INTS8: variants seen among roughly 807,000 people sequenced by gnomAD.
INTS8 encodes the protein protein kaonashi-1.
Under a neutral mutation model 138.9 loss-of-function variants are expected in INTS8, and 47 were observed. The ratio of observed to expected loss-of-function variants is 0.34; its 90% CI spans 0.27 to 0.43. The LOEUF is 0.43. INTS8 is among the 20% of genes least tolerant of loss of function. The probability of loss-of-function intolerance (pLI) is 1.00; values close to 1 mark genes in which losing one functional copy is unlikely to be tolerated. For synonymous variants in INTS8, 392 were observed against 400.9 expected (o/e 0.98, Z 0.27); for missense variants, 996 against 1,173.0 (o/e 0.85, Z 2.20).
chr8:94,872,614 G>A (rs975351927), intron 21 of INTS8, among the ~76,000 whole-genome samples: 4 of 152,160 alleles, frequency 2.6e-5, no homozygotes, highest in Non-Finnish European at 4.4e-5. Flanking sequence ...TAAAATCTCT[G>A]CAGGTACAGT....
Position 94,827,597 on chromosome 8 carries a change from T to C in INTS8, c.447-125T>C, listed in dbSNP as rs188064876. On this transcript the variant is annotated intron_variant, in intron 3 of 26. Transcript: ENST00000523731. ...ATCTGATAAAAATGTGGATGACTTA[T>C]GCAGGATTTACCATGTGTCAATTAA... 3.1e-4 allele frequency: 323 copies of C among 1,039,156 alleles called. 1 individual carries two copies. The East Asian group carries it at 7.1e-3, about 23-fold the overall frequency. The allele number at this position is 1,039,156 out of a possible 1,614,324, so 64.4% of individuals were successfully genotyped here. A position where few individuals can be genotyped will look rare whatever the true frequency, so the allele number is the denominator to read the frequency against.
At position 94,841,552 on chromosome 8, in the gene INTS8, A is replaced by C. The variant is rs181055782; in HGVS notation, c.1079A>C (p.Gln360Pro). ...LTLSLPVQFR[Q>P]SVLRELFKKA... Reference sequence around the variant, plus strand: ...TTGAGTTTACCTGTCCAGTTCCGACAGTCAGTCCTAAGAGAACTCTTTAAG... The same window carrying C: ...TTGAGTTTACCTGTCCAGTTCCGACCGTCAGTCCTAAGAGAACTCTTTAAG... The change falls in exon 9 of 27, where the codon CAG becomes CCG. Residue 360 changes from glutamine (Q) to proline (P), a missense_variant. Coordinates refer to ENST00000523731, the MANE Select transcript of INTS8 (RefSeq NM_017864.4). 1.3e-4 allele frequency: 202 copies of C among 1,608,440 alleles called. No individual in the cohort carries two copies. The highest frequency in any genetic ancestry group is 1.6e-4 in the Non-Finnish European group (194 of 1,176,368).
Position 94,869,638 on chromosome 8 carries a change from A to G in INTS8, c.2415-2246A>G, listed in dbSNP as rs146965405. Among the ~76,000 whole-genome samples the G allele has an allele frequency of 5.4e-3, 816 of 151,988 alleles. 6 individuals carry two copies. Among genetic ancestry groups the G allele is most frequent in the Non-Finnish European group, 8.6e-3 (587 of 67,950 alleles). On this transcript the variant is annotated intron_variant, in intron 20 of 26. Transcript: ENST00000523731. ...CTCCTGAGTAGCTGGTGTTACAGGC[A>G]CGTGCCACCAAACACAGCTAATTTT...
At chr8:94,853,695 G>A in intron 13 of INTS8, 110 bp from the exon 14 acceptor site, 1 of 596,796 alleles carries the variant, frequency 1.7e-6, no homozygotes, top group South Asian at 2.2e-5. Context: ...TTTAAGAGAC[G>A]ACCCGTGAGT....
intron 16 of INTS8, 25 bp from the exon 17 acceptor site, chr8:94,865,481 G>A (rs1816145873): frequency 2.5e-6 from 4 of 1,589,622 alleles, no homozygotes; most frequent in Non-Finnish European, 3.4e-6. Context: ...ATTATCTTTT[G>A]TGTATTTTGT....
At position 94,849,510 on chromosome 8, in the gene INTS8, G is replaced by A. The variant is rs1815453481; in HGVS notation, c.1309G>A (p.Gly437Arg). Residue 437 changes from glycine (G) to arginine (R), a missense_variant, in exon 11 of 27, where the codon GGA becomes AGA. Coordinates refer to ENST00000523731, the MANE Select transcript of INTS8 (RefSeq NM_017864.4). Reference sequence around the variant, plus strand: ...AGAAAAAGCTTCAGAGTCTTTGAAAGGAAACATGGCTGCTTTTCTAAAGTA... The same window carrying A: ...AGAAAAAGCTTCAGAGTCTTTGAAAAGAAACATGGCTGCTTTTCTAAAGTA... ...NLEKASESLK[G>R]NMAAFLKNVC... The A allele has an allele frequency of 6.4e-7, 1 of 1,564,350 alleles. No homozygotes were observed. The highest frequency in any genetic ancestry group is 8.7e-7 in the Non-Finnish European group (1 of 1,149,740).
intron 16 of INTS8, among the ~76,000 whole-genome samples, chr8:94,863,153 A>G (rs1162374695): frequency 6.6e-6 from 1 of 152,200 alleles, no homozygotes; most frequent in African/African-American, 2.4e-5. Flanking sequence ...ATAAGAACCT[A>G]GGTAGTAGTG....
chr8:94,852,087 T>C (rs1815567423), intron 13 of INTS8, among the ~76,000 whole-genome samples: 1 of 151,814 alleles, frequency 6.6e-6, no homozygotes, highest in Non-Finnish European at 1.5e-5. Context: ...GGATTACAGG[T>C]ACCTGTCACC....
intron 6 of INTS8, among the ~76,000 whole-genome samples, chr8:94,836,288 A>G (rs1356604135): frequency 6.6e-6 from 1 of 152,120 alleles, no homozygotes; most frequent in Non-Finnish European, 1.5e-5. Flanking sequence ...TAGCCTTTTT[A>G]ATAATTCTGT....
intron 12 of INTS8, 27 bp from the exon 13 acceptor site, chr8:94,851,526 A>G: frequency 6.7e-7 from 1 of 1,485,594 alleles, no homozygotes; most frequent in Middle Eastern, 1.8e-4. Context: ...TTTGAATTAA[A>G]TCATTGAAAT....
intron 17 of INTS8, 24 bp downstream of exon 17, chr8:94,865,714 A>T: frequency 6.3e-7 from 1 of 1,599,056 alleles, no homozygotes. Context: ...CGTTTCTATT[A>T]GTTGTGTTTG....
intron 10 of INTS8, among the ~76,000 whole-genome samples, chr8:94,846,954 C>G (rs1028648109): frequency 6.6e-6 from 1 of 152,124 alleles, no homozygotes; most frequent in African/African-American, 2.4e-5. Context: ...AGGTCATGAT[C>G]GTTTTTTAAT....
chr8:94,851,144 AAC>A (rs1815528981), intron 12 of INTS8, among the ~76,000 whole-genome samples: 2 of 152,220 alleles, frequency 1.3e-5, no homozygotes, highest in South Asian at 4.1e-4. Context: ...TCTCTCATAA[AAC>A]ACATGCTTAA....
chr8:94,863,334 A>G (rs1227037551), intron 16 of INTS8, among the ~76,000 whole-genome samples: 1 of 152,218 alleles, frequency 6.6e-6, no homozygotes, highest in African/African-American at 2.4e-5. Context: ...CCATGTTTCC[A>G]TTCTGCACCT....
At chr8:94,854,389 G>A (rs1425368585) in intron 14 of INTS8, among the ~76,000 whole-genome samples, 1 of 152,082 alleles carries the variant, frequency 6.6e-6, no homozygotes, top group Admixed American at 6.6e-5. Flanking sequence ...ATACTAAAAT[G>A]GTCTTGATCA....
At chr8:94,842,856 C>A (rs1189199414) in intron 10 of INTS8, among the ~76,000 whole-genome samples, 1 of 152,194 alleles carries the variant, frequency 6.6e-6, no homozygotes, top group Admixed American at 6.5e-5. Context: ...CCAAATCAAG[C>A]CTCTTGTCTG....
In INTS8 at chr8:94,823,315, A is replaced by C; in HGVS notation, c.-117A>C. 6.6e-7 allele frequency: 1 copy of C among 1,521,000 alleles called. No homozygotes were observed. Among genetic ancestry groups the C allele is most frequent in the Non-Finnish European group, 8.8e-7 (1 of 1,138,836 alleles). The allele number at this position is 1,521,000 out of a possible 1,614,324, so 94.2% of individuals were successfully genotyped here. A position where few individuals can be genotyped will look rare whatever the true frequency, so the allele number is the denominator to read the frequency against. On this transcript the variant is annotated 5_prime_UTR_variant, in exon 1 of 27. Transcript: ENST00000523731. The stretch of plus-strand genomic sequence containing the variant: ...ATTTTGGATTGTGTGAGTTTCCGGG[A>C]CGTTCGGAGGGTGGCCTCTCTCCCA...
At chr8:94,853,003 T>C (rs1815607747) in intron 13 of INTS8, among the ~76,000 whole-genome samples, 1 of 152,080 alleles carries the variant, frequency 6.6e-6, no homozygotes, top group African/African-American at 2.4e-5. Flanking sequence ...TTGATGCTAT[T>C]TATTAGTGTG....
At chr8:94,828,041 T>G (rs1586464965) in intron 4 of INTS8, among the ~76,000 whole-genome samples, 1 of 77,542 alleles carries the variant, frequency 1.3e-5, no homozygotes, top group Non-Finnish European at 2.7e-5. Context: ...AAGTTTTTTT[T>G]TTTGTTTTTT....
Sources: gnomAD v4.1 joint callset for allele counts (sites outside exome capture counted in the v4.1 genomes callset) on GRCh38, gnomAD v4.1.1 for gene constraint, MANE v1.5 for transcripts, NCBI Gene and HGNC (gene_info 2026-07-23, HGNC 2026-07-21) for gene names.